CACNA1C: variants seen among roughly 807,000 people sequenced by gnomAD.
The protein encoded by CACNA1C is voltage-dependent L-type calcium channel subunit alpha-1C.
In CACNA1C, 30 loss-of-function variants were observed where a neutral mutation model predicts 229.0. That is an observed-to-expected ratio of 0.13 (90% CI 0.10 to 0.18). The LOEUF is 0.18. CACNA1C is among the 10% of genes least tolerant of loss of function. The pLI is 1.00. For missense variants in CACNA1C, 1,658 were observed against 2,845.0 expected (o/e 0.58, Z 9.49); for synonymous variants, 1,114 against 1,132.5 (o/e 0.98, Z 0.33).
chr12:2,045,228 AAG>A (rs1418058228), intron 1 of CACNA1C, among the ~76,000 whole-genome samples: 3 of 152,184 alleles, frequency 2.0e-5, no homozygotes, highest in African/African-American at 7.2e-5. Flanking sequence ...GTAAAAAGAG[AAG>A]AGAGAACATT....
chr12:2,260,232 C>T (rs867415686), intron 3 of CACNA1C, among the ~76,000 whole-genome samples: 5 of 151,914 alleles, frequency 3.3e-5, no homozygotes, highest in African/African-American at 9.7e-5. Context: ...AATCCCAGCA[C>T]TTTAGGAGGC....
rs146567350 is a variant in CACNA1C, at chr12:2,100,453, C to T, written c.50-14771C>T. 6.4e-3 allele frequency among the ~76,000 whole-genome samples: 806 copies of T among 125,200 alleles called. 5 individuals are homozygous for T. The highest frequency in any genetic ancestry group is 9.2e-3 in the Non-Finnish European group (573 of 62,064). The allele number at this position is 125,200 out of a possible 152,430, so 82.1% of individuals were successfully genotyped here. The stretch of plus-strand genomic sequence containing the variant: ...CTACACTCCAGCCTGGGAGACAGAG[C>T]GAGACTCCATCTCAAAAAAAAAAAA... On this transcript the variant is annotated intron_variant, in intron 1 of 46. Coordinates refer to ENST00000399655, the MANE Select transcript of CACNA1C (RefSeq NM_000719.7).
chr12:2,373,965 G>C (rs2097945579), intron 3 of CACNA1C, among the ~76,000 whole-genome samples: 1 of 152,176 alleles, frequency 6.6e-6, no homozygotes, highest in South Asian at 2.1e-4. Flanking sequence ...GCCAGCGGGG[G>C]CCTTACAGAT....
chr12:2,652,868 G>A (rs1026621575), intron 32 of CACNA1C, among the ~76,000 whole-genome samples: 17 of 144,986 alleles, frequency 1.2e-4, no homozygotes, highest in African/African-American at 3.4e-4. Context: ...CGGAACCCAC[G>A]GCTGTGAGTT....
At chr12:2,660,525 T>G (rs1046968570) in intron 34 of CACNA1C, 5 of 145,388 alleles carry the variant, frequency 3.4e-5, no homozygotes, top group African/African-American at 1.3e-4. Flanking sequence ...AACAGAACAC[T>G]AAAAAAAAAA....
At chr12:2,652,859 G>A (rs572414036) in intron 32 of CACNA1C, among the ~76,000 whole-genome samples, 1 of 150,788 alleles carries the variant, frequency 6.6e-6, no homozygotes, top group South Asian at 2.1e-4. Context: ...GGGTGCACGC[G>A]GAACCCACGG....
intron 3 of CACNA1C, among the ~76,000 whole-genome samples, chr12:2,159,605 T>C (rs117181939): frequency 0.032 from 3,998 of 126,422 alleles, 78 homozygotes; most frequent in Non-Finnish European, 0.045. Context: ...TTCTTTCTCT[T>C]TTTTTTTTTT....
intron 4 of CACNA1C, among the ~76,000 whole-genome samples, chr12:2,453,085 C>T (rs2099393219): frequency 2.0e-5 from 3 of 152,126 alleles, no homozygotes. Flanking sequence ...CGTTCGGCTG[C>T]AGAACCCACT....
chr12:2,328,523 T>C lies in CACNA1C; in HGVS notation c.478-120453T>C, dbSNP rs145314906. ...ATGCAGCCCTGATTGTCTGCTTTTG[T>C]TCATTCTCCCTAGGAAAGGCATTAA... On this transcript the variant is annotated intron_variant, in intron 3 of 46. Transcript: ENST00000399655. Among the ~76,000 whole-genome samples the C allele has an allele frequency of 2.7e-4, 41 of 152,302 alleles. No homozygotes were observed. In the Middle Eastern group the frequency reaches 0.01, roughly 38 times the overall value.
chr12:2,587,114 G>T (rs943209961), intron 18 of CACNA1C, among the ~76,000 whole-genome samples: 1 of 152,114 alleles, frequency 6.6e-6, no homozygotes, highest in Non-Finnish European at 1.5e-5. Context: ...AATCTTGTTG[G>T]TATAATATTT....
chr12:2,540,098 C>G (rs2099865810), intron 9 of CACNA1C, among the ~76,000 whole-genome samples: 1 of 152,138 alleles, frequency 6.6e-6, no homozygotes, highest in African/African-American at 2.4e-5. Flanking sequence ...AGCGAACGCC[C>G]CACCTCTCTC....
At chr12:2,440,013 C>T (rs1161444900) in intron 3 of CACNA1C, among the ~76,000 whole-genome samples, 1 of 152,204 alleles carries the variant, frequency 6.6e-6, no homozygotes, top group Non-Finnish European at 1.5e-5. Context: ...CCCTGCCCAG[C>T]CCTTCTTCCC....
chr12:2,057,106 C>T (rs1410917599), intron 1 of CACNA1C, among the ~76,000 whole-genome samples: 1 of 152,166 alleles, frequency 6.6e-6, no homozygotes, highest in Admixed American at 6.5e-5. Context: ...CCGTTAGCCC[C>T]GTGGGACCAT....
intron 3 of CACNA1C, among the ~76,000 whole-genome samples, chr12:2,255,727 A>G (rs1206929558): frequency 6.6e-6 from 1 of 152,244 alleles, no homozygotes; most frequent in Non-Finnish European, 1.5e-5. Flanking sequence ...ACAGATAATA[A>G]GCTTTATTGT....
At chr12:2,120,806 G>A (rs1363816988) in intron 3 of CACNA1C, among the ~76,000 whole-genome samples, 2 of 152,052 alleles carry the variant, frequency 1.3e-5, no homozygotes, top group African/African-American at 4.8e-5. Flanking sequence ...TCCTTTGAAT[G>A]TCTTTGTTCC....
At chr12:2,315,463 C>T (rs1314598153) in intron 3 of CACNA1C, among the ~76,000 whole-genome samples, 2 of 152,156 alleles carry the variant, frequency 1.3e-5, no homozygotes, top group Non-Finnish European at 2.9e-5. Context: ...CTAGTCGCCA[C>T]CTTTCTTGAT....
At position 2,582,963 on chromosome 12, in the gene CACNA1C, C is replaced by T. The variant is rs572555956; in HGVS notation, c.2224+21C>T. 37 of 1,537,360 alleles carry T rather than the reference C, an allele frequency of 2.4e-5. No individual in the cohort carries two copies. In the South Asian group the frequency reaches 3.8e-4, roughly 16 times the overall value. On this transcript the variant is annotated intron_variant, in intron 15 of 46. Coordinates refer to ENST00000399655, the MANE Select transcript of CACNA1C (RefSeq NM_000719.7). ...AAACTGTATCCTTTGCTGCTGCCCC[C>T]CACCCCTGCGGCCCCCAGCCCCCAG...
rs1332216453 is a variant in CACNA1C at position 2,646,898 on chromosome 12, T to C, written c.3913-1577T>C. On this transcript the variant is annotated intron_variant, in intron 30 of 46. Coordinates refer to ENST00000399655, the MANE Select transcript of CACNA1C (RefSeq NM_000719.7). The surrounding 1 kb of genome is among the most constrained non-coding windows in gnomAD (Gnocchi z 4.6). Reference sequence around the variant, plus strand: ...CACCCTGCAATCACAAGGACTGACCTGGCAGGTGGAATCTTCATGAAGCAG... The same window carrying C: ...CACCCTGCAATCACAAGGACTGACCCGGCAGGTGGAATCTTCATGAAGCAG... Among the ~76,000 whole-genome samples the C allele has an allele frequency of 6.6e-6, 1 of 152,100 alleles. No homozygotes were observed. The highest frequency in any genetic ancestry group is 1.5e-5 in the Non-Finnish European group (1 of 68,030).
chr12:2,660,814 ACT>A (rs2095678040), intron 34 of CACNA1C: 1 of 152,026 alleles, frequency 6.6e-6, no homozygotes, highest in Admixed American at 6.6e-5. Context: ...ACAGAGCAAG[ACT>A]CTGTCTCCAA....
Sources: gnomAD v4.1 joint callset for allele counts (sites outside exome capture counted in the v4.1 genomes callset) on GRCh38, gnomAD v4.1.1 for gene constraint, Gnocchi (gnomAD v3.1) non-coding constraint, MANE v1.5 for transcripts, NCBI Gene and HGNC (gene_info 2026-07-23, HGNC 2026-07-21) for gene names.